EBF2: variants seen among roughly 807,000 people sequenced by gnomAD.
EBF2 encodes EBF transcription factor 2, also known as transcription factor COE2.
In EBF2, 21 loss-of-function variants were observed where a neutral mutation model predicts 72.8. The observed-to-expected ratio is 0.29, with a 90% CI of 0.20 to 0.42. EBF2 has a LOEUF of 0.42. EBF2 is among the 10% of genes least tolerant of loss of function. The pLI is 1.00. For synonymous variants in EBF2, 299 were observed against 274.2 expected (o/e 1.09, Z -0.89); for missense variants, 637 against 731.2 (o/e 0.87, Z 1.49).
intron 10 of EBF2, among the ~76,000 whole-genome samples, chr8:25,871,300 CCAT>C (rs1256035657): frequency 2.0e-5 from 3 of 152,162 alleles, no homozygotes; most frequent in Non-Finnish European, 4.4e-5. Context: ...CCATTAACTG[CCAT>C]CATCAGTGTT....
At chr8:25,950,528 A>T (rs906589994) in intron 6 of EBF2, among the ~76,000 whole-genome samples, 4 of 152,244 alleles carry the variant, frequency 2.6e-5, no homozygotes, top group African/African-American at 9.6e-5. Context: ...TGCCTTGAGA[A>T]TCTCATCCAG....
At chr8:25,932,250 G>A (rs1228220887) in intron 6 of EBF2, among the ~76,000 whole-genome samples, 3 of 151,966 alleles carry the variant, frequency 2.0e-5, no homozygotes, top group East Asian at 3.9e-4. Flanking sequence ...TTTATGATAA[G>A]TGATCATTAG....
At chr8:25,911,616 G>A (rs1803132012) in intron 6 of EBF2, among the ~76,000 whole-genome samples, 4 of 152,300 alleles carry the variant, frequency 2.6e-5, no homozygotes, top group Non-Finnish European at 4.4e-5. Context: ...CTCTCTTAAC[G>A]AAGGAGTTGA....
At chr8:25,994,619 A>G (rs1804593897) in intron 6 of EBF2, among the ~76,000 whole-genome samples, 1 of 152,236 alleles carries the variant, frequency 6.6e-6, no homozygotes, top group Non-Finnish European at 1.5e-5. Context: ...AAAAAAGAAC[A>G]AAATCATGTC....
intron 6 of EBF2, among the ~76,000 whole-genome samples, chr8:26,002,695 T>G (rs1312079863): frequency 6.6e-6 from 1 of 151,630 alleles, no homozygotes; most frequent in Non-Finnish European, 1.5e-5. Context: ...GAGTGCTGGG[T>G]GAGAAATAAA....
chr8:25,849,691 T>A (rs1354448430), intron 15 of EBF2, among the ~76,000 whole-genome samples: 1 of 152,166 alleles, frequency 6.6e-6, no homozygotes, highest in Non-Finnish European at 1.5e-5. Flanking sequence ...ATTTTTCATA[T>A]ACTCATCACA....
chr8:25,995,035 G>C (rs529027272), intron 6 of EBF2, among the ~76,000 whole-genome samples: 6 of 152,292 alleles, frequency 3.9e-5, no homozygotes, highest in South Asian at 2.1e-4. Context: ...AGTAGGCGTG[G>C]TGGCTCACAC....
intron 7 of EBF2, among the ~76,000 whole-genome samples, chr8:25,907,371 G>T (rs1301903532): frequency 8.6e-6 from 1 of 116,220 alleles, no homozygotes; most frequent in East Asian, 3.0e-4. Flanking sequence ...AGTGAGCCAA[G>T]ATCACACCAC....
chr8:25,977,213 G>T (rs1804282525), intron 6 of EBF2, among the ~76,000 whole-genome samples: 1 of 152,170 alleles, frequency 6.6e-6, no homozygotes, highest in Admixed American at 6.5e-5. Context: ...ACAGTGAAGG[G>T]CAGGGCGGGG....
intron 5 of EBF2, among the ~76,000 whole-genome samples, chr8:26,035,113 C>A (rs1006143048): frequency 2.0e-5 from 3 of 151,074 alleles, no homozygotes; most frequent in African/African-American, 7.3e-5. Flanking sequence ...CAGCAGGAAC[C>A]CAATGGCCTA....
chr8:26,022,248 G>T (rs1805214189), intron 6 of EBF2, among the ~76,000 whole-genome samples: 1 of 152,218 alleles, frequency 6.6e-6, no homozygotes, highest in South Asian at 2.1e-4. Flanking sequence ...CAGCTACACA[G>T]CTCCCAAAAT....
intron 6 of EBF2, among the ~76,000 whole-genome samples, chr8:25,919,242 A>G (rs1803271360): frequency 6.6e-6 from 1 of 152,192 alleles, no homozygotes; most frequent in African/African-American, 2.4e-5. Flanking sequence ...AGGTTTGGGT[A>G]GGTCACTTGT....
chr8:25,859,595 T>C (rs1222457761), intron 13 of EBF2, among the ~76,000 whole-genome samples: 1 of 152,202 alleles, frequency 6.6e-6, no homozygotes, highest in Non-Finnish European at 1.5e-5. Context: ...TAAAACACTT[T>C]GGATTACTGT....
intron 6 of EBF2, among the ~76,000 whole-genome samples, chr8:25,999,028 G>A (rs1201542721): frequency 1.3e-5 from 2 of 152,172 alleles, no homozygotes; most frequent in African/African-American, 4.8e-5. Context: ...TTGTAGAAGA[G>A]CTGGAGAAGA....
At chr8:25,869,159 A>G (rs1802387011) in intron 10 of EBF2, among the ~76,000 whole-genome samples, 1 of 152,220 alleles carries the variant, frequency 6.6e-6, no homozygotes, top group African/African-American at 2.4e-5. Flanking sequence ...AGGTGCTATC[A>G]ATAAGAATAA....
chr8:25,964,225 C>T lies in EBF2; in HGVS notation c.552-55670G>A, dbSNP rs374021363. On this transcript the variant is annotated intron_variant, in intron 6 of 15. Coordinates refer to ENST00000520164, the MANE Select transcript of EBF2 (RefSeq NM_022659.4). ...CATTGGATAGGAATGACGAGAGCTT[C>T]GGTGAGTGTCTGCAAAGAGCAGCAA... 3.7e-4 allele frequency among the ~76,000 whole-genome samples: 56 copies of T among 152,210 alleles called. 1 individual carries two copies. Among genetic ancestry groups the T allele is most frequent in the Middle Eastern group, 3.4e-3 (1 of 294 alleles).
intron 7 of EBF2, among the ~76,000 whole-genome samples, chr8:25,898,402 C>T (rs1451417387): frequency 6.6e-6 from 1 of 151,700 alleles, no homozygotes; most frequent in East Asian, 1.9e-4. Flanking sequence ...GAGTAAACAC[C>T]TTCTAGAGCT....
chr8:26,041,482 G>C (rs772081867), intron 2 of EBF2: 8 of 178,882 alleles, frequency 4.5e-5, no homozygotes, highest in Non-Finnish European at 9.5e-5. Flanking sequence ...GGGACTTTGG[G>C]AAGTGCCTAC....
chr8:26,007,020 C>A (rs1804894274), intron 6 of EBF2, among the ~76,000 whole-genome samples: 1 of 152,224 alleles, frequency 6.6e-6, no homozygotes, highest in Admixed American at 6.5e-5. Context: ...GCAGGCCCTT[C>A]TAGACAGCCA....
Sources: gnomAD v4.1 joint callset for allele counts (sites outside exome capture counted in the v4.1 genomes callset) on GRCh38, gnomAD v4.1.1 for gene constraint, MANE v1.5 for transcripts, NCBI Gene and HGNC (gene_info 2026-07-23, HGNC 2026-07-21) for gene names.